PCDHA7: variants seen among roughly 807,000 people sequenced by gnomAD.
PCDHA7 encodes protocadherin alpha 7.
In PCDHA7, 37 loss-of-function variants were observed where a neutral mutation model predicts 57.2. That is an observed-to-expected ratio of 0.65 (90% CI 0.50 to 0.85). PCDHA7 has a LOEUF of 0.85. Ranked by LOEUF, PCDHA7 falls within the 40% of genes least tolerant of loss-of-function variation. The pLI is 0.00. For synonymous variants in PCDHA7, 553 were observed against 558.8 expected, an observed-to-expected ratio of 0.99 and a Z score of 0.15; for missense variants, 1,188 against 1,241.8, an observed-to-expected ratio of 0.96 and a Z score of 0.65.
chr5:140,858,503 T>C, intron 1 of PCDHA7: 1 of 1,458,120 alleles, frequency 6.9e-7, no homozygotes. Flanking sequence ...CCGCATTTTC[T>C]CAAATATGTA....
intron 3 of PCDHA7, chr5:140,989,125 T>G (rs2097330563): frequency 6.6e-6 from 1 of 152,152 alleles, no homozygotes; most frequent in Non-Finnish European, 1.5e-5. Context: ...CTTAGAAAAA[T>G]AAGACACTTT....
chr5:140,851,380 C>G, intron 1 of PCDHA7: 1 of 976,622 alleles, frequency 1.0e-6, no homozygotes, highest in Non-Finnish European at 1.2e-6. Context: ...TGTTCAGCAA[C>G]CTTCAGTATC....
chr5:140,857,392 C>T lies in PCDHA7; in HGVS notation c.2355+20654C>T, dbSNP rs142727326. ...TGTCTGTGGAGGTGGCCGACGTGAA[C>T]GACAACGCGCCTGCGTTCGCGCAGT... On this transcript the variant is annotated intron_variant, in intron 1 of 3. Coordinates refer to ENST00000525929, the MANE Select transcript of PCDHA7 (RefSeq NM_018910.3). 2.9e-5 allele frequency: 46 copies of T among 1,598,470 alleles called. 4 individuals are homozygous for T. Among genetic ancestry groups the T allele is most frequent in the Non-Finnish European group, 3.6e-5 (42 of 1,167,894 alleles).
At chr5:140,969,175 T>C in intron 1 of PCDHA7, 7 of 1,613,046 alleles carry the variant, frequency 4.3e-6, no homozygotes, top group Non-Finnish European at 5.9e-6. Context: ...GCTCAGGGAG[T>C]GACACTTTCA....
intron 1 of PCDHA7, chr5:140,877,356 T>G (rs1227079705): frequency 9.9e-6 from 16 of 1,613,866 alleles, no homozygotes; most frequent in Non-Finnish European, 1.4e-5. Flanking sequence ...GGCTGTACAC[T>G]GGCGAGATCA....
At chr5:140,897,841 C>G (rs1272606504) in intron 1 of PCDHA7, among the ~76,000 whole-genome samples, 2 of 152,282 alleles carry the variant, frequency 1.3e-5, no homozygotes, top group South Asian at 2.1e-4. Flanking sequence ...CACATCCTCT[C>G]CAGCACCTGT....
chr5:140,940,736 A>G (rs1554213579), intron 1 of PCDHA7, among the ~76,000 whole-genome samples: 1 of 152,200 alleles, frequency 6.6e-6, no homozygotes, highest in Non-Finnish European at 1.5e-5. Flanking sequence ...GGACAGCTCC[A>G]TATTTTTATG....
At chr5:140,915,557 T>G (rs909593732) in intron 1 of PCDHA7, among the ~76,000 whole-genome samples, 1 of 152,102 alleles carries the variant, frequency 6.6e-6, no homozygotes, top group African/African-American at 2.4e-5. Flanking sequence ...AGATCCAGAA[T>G]GATTATCTGG....
At chr5:140,846,919 T>C (rs1554141550) in intron 1 of PCDHA7, among the ~76,000 whole-genome samples, 1 of 149,698 alleles carries the variant, frequency 6.7e-6, no homozygotes, top group African/African-American at 2.4e-5. Context: ...CATTTCCTAT[T>C]TGAATTTTTG....
At chr5:140,883,630 G>T (rs1424400219) in intron 1 of PCDHA7, 8 of 1,613,966 alleles carry the variant, frequency 5.0e-6, no homozygotes, top group Non-Finnish European at 6.8e-6. Context: ...ACGCGCCGGC[G>T]TTCGCGCAGC....
intron 3 of PCDHA7, among the ~76,000 whole-genome samples, chr5:141,006,808 A>T (rs576819521): frequency 1.3e-5 from 2 of 152,322 alleles, no homozygotes; most frequent in East Asian, 3.9e-4. Flanking sequence ...TTCTGGCTTG[A>T]GAAATGGGGT....
chr5:140,874,141 T>C (rs1554167053), intron 1 of PCDHA7, among the ~76,000 whole-genome samples: 1 of 152,248 alleles, frequency 6.6e-6, no homozygotes, highest in South Asian at 2.1e-4. Context: ...TATCTTATAC[T>C]TGTAGAGCCA....
At position 140,834,591 on chromosome 5, in the gene PCDHA7, T is replaced by C; in HGVS notation, c.208T>C (p.Phe70Leu). 1.2e-6 allele frequency: 2 copies of C among 1,614,048 alleles called. No homozygotes were observed. Among genetic ancestry groups the C allele is most frequent in the Non-Finnish European group, 1.7e-6 (2 of 1,179,972 alleles). The change falls in exon 1 of 4, where the codon TTC (phenylalanine) becomes CTC (leucine). Residue 70 changes from phenylalanine (F) to leucine (L), a missense_variant. Transcript: ENST00000525929. ...VPRLFRAVCKFRGDLLEVNLQ... is the reference protein window; with the variant it reads ...VPRLFRAVCKLRGDLLEVNLQ... ...GCGCCTGTTCCGGGCGGTGTGCAAA[T>C]TCCGTGGGGATCTTCTGGAGGTAAA...
At chr5:140,890,707 T>A (rs1217575075) in intron 1 of PCDHA7, among the ~76,000 whole-genome samples, 1 of 152,206 alleles carries the variant, frequency 6.6e-6, no homozygotes, top group African/African-American at 2.4e-5. Context: ...CTTACATTTT[T>A]AAAATCTTTT....
chr5:140,842,261 A>G (rs2150332955), intron 1 of PCDHA7: 25 of 1,610,966 alleles, frequency 1.6e-5, no homozygotes, highest in Non-Finnish European at 2.1e-5. Flanking sequence ...TGAACAAGAA[A>G]ACTTATACAA....
At chr5:140,912,220 C>T (rs1360868463) in intron 1 of PCDHA7, among the ~76,000 whole-genome samples, 1 of 151,800 alleles carries the variant, frequency 6.6e-6, no homozygotes, top group African/African-American at 2.4e-5. Flanking sequence ...ATCTGCCTTT[C>T]CCAGTCCACT....
rs57893927 is a variant in PCDHA7 at position 140,946,631 on chromosome 5, T to TATATAC, written c.2356-32317_2356-32316insTATACA. Among the ~76,000 whole-genome samples, 104 of 131,796 alleles carry TATATAC rather than the reference T, an allele frequency of 7.9e-4. 5 individuals are homozygous for TATATAC. Among genetic ancestry groups the TATATAC allele is most frequent in the Admixed American group, 1.7e-3 (23 of 13,490 alleles). The allele number at this position is 131,796 out of a possible 152,430, so 86.5% of individuals were successfully genotyped here. Reference sequence around the variant, plus strand: ...TGTGAAATATATATATATATATATATACAATGGAATACTCATCAGCCATTA... The same window carrying TATATAC: ...TGTGAAATATATATATATATATATATATATACACAATGGAATACTCATCAGCCATTA... On this transcript the variant is annotated intron_variant, in intron 1 of 3. Transcript: ENST00000525929.
At position 140,923,111 on chromosome 5, in the gene PCDHA7, G is replaced by T. The variant is rs192696214; in HGVS notation, c.2356-55838G>T. Among the ~76,000 whole-genome samples, 53 of 152,266 alleles carry T rather than the reference G, an allele frequency of 3.5e-4. No individual in the cohort carries two copies. In the East Asian group the frequency reaches 8.9e-3, roughly 25 times the overall value. ...TTGACCAATGGGAGTATGATTTTAA[G>T]TTTTTAGGGTCACACTTTGAAGGTG... On this transcript the variant is annotated intron_variant, in intron 1 of 3. Coordinates refer to ENST00000525929, the MANE Select transcript of PCDHA7 (RefSeq NM_018910.3).
At chr5:140,993,831 T>C (rs2097584101) in intron 3 of PCDHA7, among the ~76,000 whole-genome samples, 1 of 152,190 alleles carries the variant, frequency 6.6e-6, no homozygotes, top group South Asian at 2.1e-4. Flanking sequence ...CTATACCATA[T>C]AGCCTAGGTA....
Sources: gnomAD v4.1 joint callset for allele counts (sites outside exome capture counted in the v4.1 genomes callset) on GRCh38, gnomAD v4.1.1 for gene constraint, MANE v1.5 for transcripts, NCBI Gene and HGNC (gene_info 2026-07-23, HGNC 2026-07-21) for gene names.